Variants in PCYT1B observed in about 807,000 individuals in gnomAD.
The protein encoded by PCYT1B is choline-phosphate cytidylyltransferase B.
A neutral mutation model predicts 26.4 loss-of-function variants in PCYT1B; 10 were observed. The ratio of observed to expected loss-of-function variants is 0.38; its 90% CI spans 0.23 to 0.64. PCYT1B has a LOEUF of 0.64. Ranked by LOEUF, PCYT1B falls within the 30% of genes least tolerant of loss-of-function variation. The pLI, the probability that PCYT1B is intolerant of heterozygous loss-of-function variation, is 0.56. For missense variants in PCYT1B, 161 were observed against 292.7 expected, an observed-to-expected ratio of 0.55 and a Z score of 3.28; for synonymous variants, 131 against 108.4, an observed-to-expected ratio of 1.21 and a Z score of -1.29.
chrX:24,665,029 C>A (rs1245007184), intron 1 of PCYT1B, among the ~76,000 whole-genome samples: 3 of 111,101 alleles, frequency 2.7e-5, no homozygotes, highest in Admixed American at 9.6e-5. Flanking sequence ...TAGGGGACAA[C>A]ATTGAAAAAC....
chrX:24,670,237 A>G (rs776969588), intron 1 of PCYT1B, among the ~76,000 whole-genome samples: 5 of 111,935 alleles, frequency 4.5e-5, no homozygotes, highest in Non-Finnish European at 7.5e-5. Context: ...CTTATTTCCA[A>G]ATAAGTACCA....
Position 24,662,803 on chromosome X carries a change from T to G in PCYT1B, c.63+9767A>C, listed in dbSNP as rs180890446. 1.0e-3 allele frequency among the ~76,000 whole-genome samples: 116 copies of G among 112,214 alleles called. 1 individual carries two copies. Among genetic ancestry groups the G allele is most frequent in the Middle Eastern group, 9.2e-3 (2 of 218 alleles). The stretch of plus-strand genomic sequence containing the variant: ...ATGGGAGTCGAGGTTATCCGGCCCC[T>G]TTTGTTGTAGAGTCCTTCTTTTTGG... On this transcript the variant is annotated intron_variant, in intron 1 of 7. Coordinates refer to the PCYT1B transcript ENST00000379145.
chrX:24,565,581 G>T (rs1417577993), intron 7 of PCYT1B, among the ~76,000 whole-genome samples: 1 of 110,491 alleles, frequency 9.1e-6, no homozygotes, highest in Admixed American at 9.7e-5. Context: ...AATGCCCATG[G>T]GGTGGCAATG....
At chrX:24,570,189 GA>G (rs1176471313) in intron 7 of PCYT1B, among the ~76,000 whole-genome samples, 1,308 of 31,653 alleles carry the variant, frequency 0.041, 11 homozygotes, top group East Asian at 0.11. Flanking sequence ...CTCAGTCTCA[GA>G]AAAAAAAAAA....
intron 3 of PCYT1B, among the ~76,000 whole-genome samples, 185 bp from the exon 4 acceptor site, chrX:24,590,359 G>A (rs746084772): frequency 4.5e-5 from 5 of 111,792 alleles, no homozygotes; most frequent in African/African-American, 1.6e-4. Flanking sequence ...AAAATCCACC[G>A]ACAATTCAGA....
chrX:24,660,779 G>T (rs1200625507), intron 1 of PCYT1B, among the ~76,000 whole-genome samples: 1 of 110,803 alleles, frequency 9.0e-6, no homozygotes, highest in Admixed American at 9.7e-5. Context: ...CTTGCTTTGA[G>T]AAGATATTCT....
chrX:24,598,697 T>G (rs955688781), intron 3 of PCYT1B, among the ~76,000 whole-genome samples: 3 of 112,557 alleles, frequency 2.7e-5, no homozygotes, highest in Non-Finnish European at 3.8e-5. Flanking sequence ...CATTTTAATC[T>G]TGACTGATTC....
At chrX:24,586,577 C>A (rs1428341962) in intron 5 of PCYT1B, among the ~76,000 whole-genome samples, 1 of 112,054 alleles carries the variant, frequency 8.9e-6, no homozygotes, top group Non-Finnish European at 1.9e-5. Flanking sequence ...TTCTTGAAAT[C>A]CCTATGCATA....
intron 6 of PCYT1B, among the ~76,000 whole-genome samples, chrX:24,578,589 T>C (rs1924098906): frequency 8.9e-6 from 1 of 112,430 alleles, no homozygotes; most frequent in Non-Finnish European, 1.9e-5. Context: ...TAAGCAGCTG[T>C]AATTTCTTTG....
intron 1 of PCYT1B, among the ~76,000 whole-genome samples, chrX:24,627,922 C>A (rs1387675960): frequency 9.0e-6 from 1 of 111,474 alleles, no homozygotes; most frequent in Non-Finnish European, 1.9e-5. Context: ...CATTGCCATT[C>A]CCTAGGAGGG....
intron 3 of PCYT1B, among the ~76,000 whole-genome samples, chrX:24,603,415 CATA>C (rs1343135919): frequency 8.9e-6 from 1 of 112,331 alleles, no homozygotes; most frequent in Non-Finnish European, 1.9e-5. Context: ...AAAGTCCCTG[CATA>C]ATATTTAAAA....
chrX:24,603,940 C>G (rs1925043815), intron 3 of PCYT1B, among the ~76,000 whole-genome samples: 1 of 110,949 alleles, frequency 9.0e-6, no homozygotes, highest in African/African-American at 3.3e-5. Context: ...GAAATCACAC[C>G]CAGACAGCAA....
chrX:24,653,887 T>C (rs1602210191), intron 1 of PCYT1B, among the ~76,000 whole-genome samples: 2 of 108,462 alleles, frequency 1.8e-5, no homozygotes, highest in East Asian at 5.8e-4. Flanking sequence ...CCCAAGTAGC[T>C]GGGATTGCAG....
intron 1 of PCYT1B, among the ~76,000 whole-genome samples, chrX:24,645,559 T>G (rs748279993): frequency 2.7e-5 from 3 of 111,199 alleles, no homozygotes; most frequent in Middle Eastern, 4.6e-3. Context: ...TATATGTGCA[T>G]ATGATAATCT....
intron 1 of PCYT1B, among the ~76,000 whole-genome samples, chrX:24,623,967 C>CTTT (rs1347821643): frequency 1.4e-4 from 12 of 85,226 alleles, no homozygotes; most frequent in Non-Finnish European, 1.9e-4. Context: ...CTAAGCTATA[C>CTTT]TTTTTTTTTT....
At chrX:24,628,700 TTAAA>T (rs1650233611) in intron 1 of PCYT1B, among the ~76,000 whole-genome samples, 1 of 111,507 alleles carries the variant, frequency 9.0e-6, no homozygotes, top group Admixed American at 9.6e-5. Flanking sequence ...ATCATGTCAC[TTAAA>T]TAGTTTTCAA....
upstream of PCYT1B, among the ~76,000 whole-genome samples, chrX:24,649,300 A>G (rs764528633): frequency 9.0e-6 from 1 of 111,697 alleles, no homozygotes; most frequent in South Asian, 3.8e-4. Context: ...TTTGCCTTAG[A>G]GCAGTGGTTC....
At chrX:24,617,556 T>C (rs1336065747) in intron 2 of PCYT1B, among the ~76,000 whole-genome samples, 1 of 107,427 alleles carries the variant, frequency 9.3e-6, no homozygotes, top group African/African-American at 3.4e-5. Flanking sequence ...CAAATGATTC[T>C]CTCACCTCAG....
At chrX:24,629,797 G>A (rs898788416) in intron 1 of PCYT1B, among the ~76,000 whole-genome samples, 2 of 109,818 alleles carry the variant, frequency 1.8e-5, no homozygotes, top group Non-Finnish European at 3.8e-5. Flanking sequence ...CATCTCATGC[G>A]GCCACTTTCC....
Sources: gnomAD v4.1 joint callset for allele counts (sites outside exome capture counted in the v4.1 genomes callset) on GRCh38, gnomAD v4.1.1 for gene constraint, MANE v1.5 for transcripts, NCBI Gene and HGNC (gene_info 2026-07-23, HGNC 2026-07-21) for gene names.